The following DIAPH3 variants were observed in gnomAD, a reference collection of about 807,000 sequenced individuals.
The protein encoded by DIAPH3 is diaphanous related formin 3.
Under a neutral mutation model 144.3 loss-of-function variants are expected in DIAPH3, and 117 were observed. The observed-to-expected ratio is 0.81, with a 90% CI of 0.70 to 0.95. The LOEUF is 0.95. Ranked by LOEUF, DIAPH3 falls within the 40% of genes least tolerant of loss-of-function variation. The probability of loss-of-function intolerance (pLI) is 0.00; values close to 1 mark genes in which losing one functional copy is unlikely to be tolerated. For synonymous variants in DIAPH3, 519 were observed against 488.9 expected (o/e 1.06, Z -0.81); for missense variants, 1,421 against 1,412.7 (o/e 1.01, Z -0.09).
In DIAPH3 at chr13:59,779,154, C is replaced by G. The variant is rs146291597; in HGVS notation, c.3164-4331G>C. ...CTACCCCTGCTCTCATCCTCCAGAG[C>G]AGATGGCTATTTTTGGCCTTCACTC... On this transcript the variant is annotated intron_variant, in intron 25 of 27. Coordinates refer to ENST00000400324, the MANE Select transcript of DIAPH3 (RefSeq NM_001042517.2). 7.2e-5 allele frequency among the ~76,000 whole-genome samples: 11 copies of G among 152,308 alleles called. No homozygotes were observed. The East Asian group carries it at 2.1e-3, about 29-fold the overall frequency.
intron 17 of DIAPH3, among the ~76,000 whole-genome samples, chr13:59,965,546 A>C (rs2049998837): frequency 6.6e-6 from 1 of 152,026 alleles, no homozygotes; most frequent in African/African-American, 2.4e-5. Flanking sequence ...TGGTAAAAAA[A>C]AAAAAAAAAA....
intron 24 of DIAPH3, among the ~76,000 whole-genome samples, chr13:59,815,298 T>C (rs2040708880): frequency 6.6e-6 from 1 of 152,204 alleles, no homozygotes; most frequent in Admixed American, 6.5e-5. Context: ...GCTTACATCT[T>C]ATTTTTCTTA....
intron 4 of DIAPH3, among the ~76,000 whole-genome samples, chr13:60,043,995 G>C (rs1181268031): frequency 6.6e-6 from 1 of 152,014 alleles, no homozygotes; most frequent in East Asian, 1.9e-4. Flanking sequence ...AGATAAGACA[G>C]CTAACCATGC....
chr13:60,132,496 C>A (rs1314444543), intron 2 of DIAPH3, among the ~76,000 whole-genome samples: 1 of 152,094 alleles, frequency 6.6e-6, no homozygotes, highest in Non-Finnish European at 1.5e-5. Context: ...CTATGAGAAG[C>A]CCTATTATTT....
At chr13:59,867,810 C>A (rs975303323) in intron 21 of DIAPH3, among the ~76,000 whole-genome samples, 3 of 152,082 alleles carry the variant, frequency 2.0e-5, no homozygotes, top group African/African-American at 7.2e-5. Context: ...ATTTTCAGTT[C>A]TTTTAGTACT....
At chr13:60,021,974 T>C (rs962009286) in intron 5 of DIAPH3, among the ~76,000 whole-genome samples, 1 of 152,180 alleles carries the variant, frequency 6.6e-6, no homozygotes, top group African/African-American at 2.4e-5. Context: ...AGCATAAAAG[T>C]CCTATGGGTA....
In DIAPH3 at chr13:59,836,983, CAT is replaced by C. The variant is rs1446444047; in HGVS notation, c.2862+2339_2862+2340del. Reference sequence around the variant, plus strand: ...AATGCATTTAATATGCAAAATCTGACATGTCAGTCCTAATTAATGTAAACAAA... The same window carrying C: ...AATGCATTTAATATGCAAAATCTGACGTCAGTCCTAATTAATGTAAACAAA... On this transcript the variant is annotated intron_variant, in intron 23 of 27. Transcript: ENST00000400324. Among the ~76,000 whole-genome samples the C allele has an allele frequency of 9.9e-5, 15 of 152,088 alleles. No homozygotes were observed. The East Asian group carries it at 2.5e-3, about 25-fold the overall frequency.
intron 11 of DIAPH3, among the ~76,000 whole-genome samples, chr13:59,991,689 A>G (rs2051825197): frequency 6.6e-6 from 1 of 151,998 alleles, no homozygotes; most frequent in Non-Finnish European, 1.5e-5. Flanking sequence ...CTGCAGACCC[A>G]CAGATTAACA....
intron 13 of DIAPH3, among the ~76,000 whole-genome samples, chr13:59,982,279 G>C (rs2051066567): frequency 6.6e-6 from 1 of 151,148 alleles, no homozygotes; most frequent in African/African-American, 2.4e-5. Flanking sequence ...CAAGAGCTCA[G>C]TGAAAAAAAC....
intron 9 of DIAPH3, among the ~76,000 whole-genome samples, chr13:59,993,019 C>T (rs1286011797): frequency 2.6e-5 from 4 of 151,528 alleles, no homozygotes; most frequent in Non-Finnish European, 5.9e-5. Flanking sequence ...ACTCAAAGTC[C>T]CAAAGACTTC....
chr13:60,111,594 C>T (rs2138063879), intron 3 of DIAPH3, among the ~76,000 whole-genome samples: 1 of 152,276 alleles, frequency 6.6e-6, no homozygotes, highest in South Asian at 2.1e-4. Flanking sequence ...GTGCACGCTT[C>T]TTATGAGCAT....
At chr13:59,826,924 A>G (rs1322344200) in intron 24 of DIAPH3, among the ~76,000 whole-genome samples, 1 of 151,788 alleles carries the variant, frequency 6.6e-6, no homozygotes, top group African/African-American at 2.4e-5. Context: ...AAAAACAAGC[A>G]ATGGGGAAAG....
chr13:59,970,295 A>T (rs564161849), intron 16 of DIAPH3, among the ~76,000 whole-genome samples: 34 of 152,330 alleles, frequency 2.2e-4, no homozygotes, highest in Non-Finnish European at 3.5e-4. Context: ...CGATTTAATT[A>T]GCTTCTTCTC....
At chr13:60,124,593 C>A (rs1322928789) in intron 2 of DIAPH3, among the ~76,000 whole-genome samples, 2 of 152,090 alleles carry the variant, frequency 1.3e-5, no homozygotes, top group Non-Finnish European at 2.9e-5. Context: ...GATACAATTT[C>A]TCTTTTCCAA....
chr13:59,805,796 T>C (rs1215732803), intron 25 of DIAPH3, among the ~76,000 whole-genome samples: 1 of 152,024 alleles, frequency 6.6e-6, no homozygotes, highest in Non-Finnish European at 1.5e-5. Context: ...TAATGCTTCA[T>C]TTTTCTTCTT....
At chr13:59,733,171 T>C (rs1038760638) in intron 27 of DIAPH3, among the ~76,000 whole-genome samples, 6 of 152,196 alleles carry the variant, frequency 3.9e-5, no homozygotes, top group Non-Finnish European at 4.4e-5. Context: ...TCTTACATCA[T>C]AGCTAAGAAC....
chr13:59,847,101 C>T (rs1001873587), intron 22 of DIAPH3, among the ~76,000 whole-genome samples: 2 of 152,064 alleles, frequency 1.3e-5, no homozygotes, highest in Admixed American at 1.3e-4. Context: ...GACAAAGGAG[C>T]AATGCTAAGT....
At chr13:59,896,868 CTG>C (rs1156930061) in intron 20 of DIAPH3, among the ~76,000 whole-genome samples, 2 of 152,192 alleles carry the variant, frequency 1.3e-5, no homozygotes, top group African/African-American at 4.8e-5. Flanking sequence ...TAACCCAGCA[CTG>C]TGTCTCAATA....
At chr13:60,147,887 T>C (rs535991598) in intron 1 of DIAPH3, among the ~76,000 whole-genome samples, 156 of 152,182 alleles carry the variant, frequency 1.0e-3, no homozygotes, top group African/African-American at 3.5e-3. Context: ...AGCAGCAACA[T>C]GGTGGATAAA....
Sources: allele counts gnomAD v4.1 joint callset (sites outside exome capture counted in the v4.1 genomes callset), GRCh38; gene constraint gnomAD v4.1.1; transcripts MANE v1.5; gene names NCBI Gene and HGNC (gene_info 2026-07-23, HGNC 2026-07-21).